TTC7B: variants seen among roughly 807,000 people sequenced by gnomAD.
TTC7B encodes tetratricopeptide repeat protein 7B.
A neutral mutation model predicts 106.8 loss-of-function variants in TTC7B; 28 were observed. That is an observed-to-expected ratio of 0.26 (90% confidence interval 0.19 to 0.36). The LOEUF (loss-of-function observed/expected upper bound fraction) is 0.36. Ranked by LOEUF, TTC7B falls within the 10% of genes least tolerant of loss-of-function variation. TTC7B has a pLI of 1.00. For synonymous variants in TTC7B, 405 were observed against 430.6 expected (o/e 0.94, Z 0.74); for missense variants, 862 against 1,076.4 (o/e 0.80, Z 2.79).
At chr14:90,652,492 A>G (rs1217625501) in intron 13 of TTC7B, among the ~76,000 whole-genome samples, 1 of 151,540 alleles carries the variant, frequency 6.6e-6, no homozygotes, top group Non-Finnish European at 1.5e-5. Flanking sequence ...TTTTTTTAAA[A>G]AAAAAAAAAA....
intron 14 of TTC7B, among the ~76,000 whole-genome samples, chr14:90,646,170 C>T (rs1885440298): frequency 6.6e-6 from 1 of 152,198 alleles, no homozygotes; most frequent in Non-Finnish European, 1.5e-5. Context: ...AGGTGCATAC[C>T]TCAGCCCAGG....
Position 90,529,832 on chromosome 14 carries a change from G to C in TTC7B, c.*11536C>G, listed in dbSNP as rs1413926860. On this transcript the variant is annotated 3_prime_UTR_variant, in exon 20 of 20. Coordinates refer to ENST00000328459, the MANE Select transcript of TTC7B (RefSeq NM_001010854.2). ...CTTAAATCATTGACAATAAAGAAAG[G>C]GTTAAACAGTCTGCAGTGCATCCAT... 1 of 152,154 alleles carries C rather than the reference G, an allele frequency of 6.6e-6. No homozygotes were observed. Among genetic ancestry groups the C allele is most frequent in the Non-Finnish European group, 1.5e-5 (1 of 68,030 alleles). 9.4% of individuals were successfully genotyped at this position (152,154 alleles called of 1,614,324 possible).
At chr14:90,652,480 G>GT (rs35126260) in intron 13 of TTC7B, among the ~76,000 whole-genome samples, 23,322 of 110,174 alleles carry the variant, frequency 0.21, 1,925 homozygotes, top group Middle Eastern at 0.26. Context: ...AGTTTGACAT[G>GT]TTTTTTTTAA....
rs954957395 is a variant in TTC7B, at chr14:90,663,861, T to C, written c.1153-5474A>G. On this transcript the variant is annotated intron_variant, in intron 9 of 19. Coordinates refer to ENST00000328459, the MANE Select transcript of TTC7B (RefSeq NM_001010854.2). This position sits in a 1 kb window ranked among gnomAD's most constrained non-coding sequence, Gnocchi z 4.5. ...AGTGGGCTCTTGGCATCTTATGAGA[T>C]ACAGTGACGGCACGCCGGCTTTGGA... is the stretch of plus-strand genomic sequence containing the variant. Among the ~76,000 whole-genome samples, 7 of 152,200 alleles carry C rather than the reference T, an allele frequency of 4.6e-5. No individual in the cohort carries two copies.
rs1300536272 is a variant in TTC7B at position 90,662,254 on chromosome 14, G to GTCCA, written c.1153-3868_1153-3867insTGGA. 7.2e-5 allele frequency among the ~76,000 whole-genome samples: 11 copies of GTCCA among 152,362 alleles called. No homozygotes were observed. In the East Asian group the frequency reaches 1.9e-3, roughly 27 times the overall value. ...TCTGAATCTGCAGGTAGGGAGGCAGGGAAGGGGCCTCTGGACCTCGTTCCA... is the reference window on the plus strand; with the variant it reads ...TCTGAATCTGCAGGTAGGGAGGCAGGTCCAGAAGGGGCCTCTGGACCTCGTTCCA... On this transcript the variant is annotated intron_variant, in intron 9 of 19. Transcript: ENST00000328459.
intron 18 of TTC7B, among the ~76,000 whole-genome samples, chr14:90,580,351 AT>A: frequency 6.6e-6 from 1 of 152,118 alleles, no homozygotes; most frequent in Non-Finnish European, 1.5e-5. Flanking sequence ...CTATTATTTT[AT>A]CCCCATTGTC....
At chr14:90,719,040 C>T (rs1888775958) in intron 5 of TTC7B, among the ~76,000 whole-genome samples, 1 of 151,992 alleles carries the variant, frequency 6.6e-6, no homozygotes, top group Non-Finnish European at 1.5e-5. Flanking sequence ...GTGGGCAGAT[C>T]ACTTGAGCCC....
intron 18 of TTC7B, among the ~76,000 whole-genome samples, chr14:90,579,563 C>T (rs573700763): frequency 4.9e-4 from 74 of 152,278 alleles, no homozygotes; most frequent in Admixed American, 2.6e-3. Flanking sequence ...TTTGGGAGGC[C>T]GAGGCGGGCG....
intron 3 of TTC7B, among the ~76,000 whole-genome samples, chr14:90,779,342 C>T (rs538385238): frequency 3.3e-5 from 5 of 152,210 alleles, no homozygotes; most frequent in Admixed American, 2.6e-4. Context: ...TCGCTCTTGT[C>T]GCACAGGCTG....
At chr14:90,549,578 G>A (rs1444340660) in intron 19 of TTC7B, among the ~76,000 whole-genome samples, 1 of 152,168 alleles carries the variant, frequency 6.6e-6, no homozygotes, top group Non-Finnish European at 1.5e-5. Context: ...GGCCCTGGCT[G>A]CTGCTGGTGG....
chr14:90,775,708 G>A (rs1046139508), intron 3 of TTC7B, among the ~76,000 whole-genome samples: 3 of 152,042 alleles, frequency 2.0e-5, no homozygotes, highest in African/African-American at 7.2e-5. Flanking sequence ...GTGACATAGG[G>A]CAAGTCCCTT....
chr14:90,707,047 C>T (rs1463712931), intron 5 of TTC7B, among the ~76,000 whole-genome samples: 2 of 152,180 alleles, frequency 1.3e-5, no homozygotes, highest in Non-Finnish European at 2.9e-5. Flanking sequence ...TCTGCTTTTT[C>T]CTTTCTTCCA....
Position 90,526,653 on chromosome 14 carries a change from G to A in TTC7B, c.*14715C>T, listed in dbSNP as rs540914424. ...CGGTGCAAGGTAATTGAATCATGGG[G>A]GTGGCTACCCTCATGCTGTTCTCAT... On this transcript the variant is annotated 3_prime_UTR_variant, in exon 20 of 20. Transcript: ENST00000328459. 6.6e-6 allele frequency: 1 copy of A among 151,598 alleles called. No homozygotes were observed. The highest frequency in any genetic ancestry group is 2.4e-5 in the African/African-American group (1 of 40,888). 9.4% of individuals were successfully genotyped at this position (151,598 alleles called of 1,614,324 possible).
chr14:90,787,258 T>C (rs964412951), intron 1 of TTC7B, among the ~76,000 whole-genome samples: 1 of 152,230 alleles, frequency 6.6e-6, no homozygotes, highest in African/African-American at 2.4e-5. Flanking sequence ...GATGTCTATA[T>C]TGGCTTAATT....
intron 3 of TTC7B, among the ~76,000 whole-genome samples, chr14:90,780,470 A>AAAAGAG (rs1555398870): frequency 1.4e-5 from 2 of 146,362 alleles, no homozygotes; most frequent in African/African-American, 5.3e-5. Flanking sequence ...GAAAGAAAGA[A>AAAAGAG]AAAGAAAGAA....
chr14:90,807,793 C>T lies in TTC7B; in HGVS notation c.121+8382G>A, dbSNP rs929062343. On this transcript the variant is annotated intron_variant, in intron 1 of 19. Transcript: ENST00000328459. This position sits in a 1 kb window ranked among gnomAD's most constrained non-coding sequence, Gnocchi z 4.1. ...GATGTCTGGTAATCTATAAACTACA[C>T]TTAGTTTAGTATTTGGCTCAAAGCA... 6.6e-6 allele frequency among the ~76,000 whole-genome samples: 1 copy of T among 152,194 alleles called. No individual in the cohort carries two copies. The highest frequency in any genetic ancestry group is 1.5e-5 in the Non-Finnish European group (1 of 68,040).
chr14:90,655,150 G>A, intron 11 of TTC7B, 40 bp from the exon 12 acceptor site: 4 of 1,500,122 alleles, frequency 2.7e-6, no homozygotes, highest in Non-Finnish European at 3.7e-6. Flanking sequence ...ACAACCTGCA[G>A]AATTTCTAAC....
intron 5 of TTC7B, among the ~76,000 whole-genome samples, chr14:90,710,945 G>A (rs1178737574): frequency 6.6e-6 from 1 of 151,716 alleles, no homozygotes. Flanking sequence ...TCAAACTTCT[G>A]AAGAAAAAAC....
Position 90,798,709 on chromosome 14 carries a change from C to CAAAAAAAA in TTC7B, c.122-12389_122-12382dup, listed in dbSNP as rs36223089. 1.8e-3 allele frequency among the ~76,000 whole-genome samples: 95 copies of CAAAAAAAA among 52,272 alleles called. 2 individuals carry two copies. The highest frequency in any genetic ancestry group is 2.4e-3 in the South Asian group (2 of 836). The allele number at this position is 52,272 out of a possible 152,430, so 34.3% of individuals were successfully genotyped here. A position where few individuals can be genotyped will look rare whatever the true frequency, so the allele number is the denominator to read the frequency against. On this transcript the variant is annotated intron_variant, in intron 1 of 19. Coordinates refer to ENST00000328459, the MANE Select transcript of TTC7B (RefSeq NM_001010854.2). Reference sequence around the variant, plus strand: ...TGGGCGACAGAGTGAGACTCCATCTCAAAAAAAAAAAAAAAAAAAAAAACA... The same window carrying CAAAAAAAA: ...TGGGCGACAGAGTGAGACTCCATCTCAAAAAAAAAAAAAAAAAAAAAAAAAAAAAAACA...
Sources: allele counts gnomAD v4.1 joint callset (sites outside exome capture counted in the v4.1 genomes callset), GRCh38; gene constraint gnomAD v4.1.1; non-coding constraint Gnocchi (gnomAD v3.1); transcripts MANE v1.5; gene names NCBI Gene and HGNC (gene_info 2026-07-23, HGNC 2026-07-21).